The following SMYD3 variants were observed in gnomAD, a reference collection of about 807,000 sequenced individuals.
The protein encoded by SMYD3 is histone-lysine N-methyltransferase SMYD3.
Under a neutral mutation model 57.7 loss-of-function variants are expected in SMYD3, and 36 were observed. That is an observed-to-expected ratio of 0.62 (90% CI 0.48 to 0.82). SMYD3 has a LOEUF of 0.82. SMYD3 is among the 40% of genes least tolerant of loss of function. The pLI is 0.00. For synonymous variants in SMYD3, 211 were observed against 195.0 expected, an observed-to-expected ratio of 1.08 and a Z score of -0.68; for missense variants, 515 against 538.8, an observed-to-expected ratio of 0.96 and a Z score of 0.44.
In SMYD3 at chr1:246,405,725, G is replaced by A. The variant is rs1045225346; in HGVS notation, c.165-50631C>T. ...AGATCGAGACCATCCTGGCTAATAC[G>A]ATGAAACCCCGTCTCTACTAAAAAT... On this transcript the variant is annotated intron_variant, in intron 1 of 11. Transcript: ENST00000490107. Among the ~76,000 whole-genome samples, 5 of 152,014 alleles carry A rather than the reference G, an allele frequency of 3.3e-5. No homozygotes were observed. In the East Asian group the frequency reaches 7.7e-4, roughly 24 times the overall value.
chr1:245,961,216 C>T (rs988914133), intron 5 of SMYD3, among the ~76,000 whole-genome samples: 2 of 152,224 alleles, frequency 1.3e-5, no homozygotes, highest in African/African-American at 4.8e-5. Flanking sequence ...CGCACATGCT[C>T]TCTCTTCTCA....
intron 1 of SMYD3, among the ~76,000 whole-genome samples, chr1:246,377,681 T>C (rs916546132): frequency 6.6e-6 from 1 of 152,196 alleles, no homozygotes; most frequent in African/African-American, 2.4e-5. Flanking sequence ...AATTCTGAAT[T>C]ATTATCATGA....
At chr1:245,954,891 A>C (rs1165627459) in intron 5 of SMYD3, among the ~76,000 whole-genome samples, 1 of 152,160 alleles carries the variant, frequency 6.6e-6, no homozygotes, top group Non-Finnish European at 1.5e-5. Context: ...TCATCAGATA[A>C]ATCTTTTTTA....
rs146339175 is a variant in SMYD3 at position 246,198,983 on chromosome 1, A to G, written c.531+128218T>C. ...ATTTTTGCTTATAATTTCAACTTCTATTTTAGATTCGGGGGTACATCCACA... is the reference window on the plus strand; with the variant it reads ...ATTTTTGCTTATAATTTCAACTTCTGTTTTAGATTCGGGGGTACATCCACA... On this transcript the variant is annotated intron_variant, in intron 5 of 11. Coordinates refer to ENST00000490107, the MANE Select transcript of SMYD3 (RefSeq NM_001167740.2). Among the ~76,000 whole-genome samples the G allele has an allele frequency of 5.9e-3, 896 of 152,274 alleles. 13 individuals carry two copies. Among genetic ancestry groups the G allele is most frequent in the African/African-American group, 0.02 (825 of 41,548 alleles).
At chr1:246,131,990 C>T (rs2061594925) in intron 5 of SMYD3, among the ~76,000 whole-genome samples, 1 of 152,108 alleles carries the variant, frequency 6.6e-6, no homozygotes. Flanking sequence ...GTTTGCAACA[C>T]ACCCAAACAG....
intron 10 of SMYD3, among the ~76,000 whole-genome samples, chr1:245,781,554 C>A (rs907818201): frequency 2.0e-5 from 3 of 152,164 alleles, no homozygotes; most frequent in Admixed American, 2.0e-4. Flanking sequence ...GCAAGTAACC[C>A]CATTTCCATC....
chr1:245,976,872 ATCGTCTCCG>A (rs2058442169), intron 5 of SMYD3, among the ~76,000 whole-genome samples: 3 of 51,212 alleles, frequency 5.9e-5, no homozygotes, highest in Non-Finnish European at 9.9e-5. Context: ...AGGGAAAGCC[ATCGTCTCCG>A]GCCCAGGGAA....
intron 5 of SMYD3, chr1:246,321,527 T>C (rs552003257): frequency 1.8e-4 from 28 of 152,290 alleles, no homozygotes; most frequent in African/African-American, 6.7e-4. Context: ...TTTTTGTTTG[T>C]TTTGAGTTGG....
intron 8 of SMYD3, among the ~76,000 whole-genome samples, chr1:245,906,527 T>C (rs1170038949): frequency 6.6e-6 from 1 of 152,176 alleles, no homozygotes; most frequent in Non-Finnish European, 1.5e-5. Context: ...AAGGGAACCC[T>C]TGTACACTGT....
At chr1:246,466,842 T>A (rs57153125) in intron 1 of SMYD3, among the ~76,000 whole-genome samples, 1 of 149,766 alleles carries the variant, frequency 6.7e-6, no homozygotes, top group African/African-American at 2.4e-5. Context: ...AGTGAGGCCC[T>A]GTCTCAAAAA....
intron 1 of SMYD3, among the ~76,000 whole-genome samples, chr1:246,502,939 G>A (rs1015415517): frequency 2.0e-5 from 3 of 152,040 alleles, no homozygotes; most frequent in African/African-American, 7.3e-5. Flanking sequence ...GAATCCCCTG[G>A]TACCACAAAC....
intron 9 of SMYD3, among the ~76,000 whole-genome samples, chr1:245,860,431 G>A (rs771792069): frequency 1.3e-5 from 2 of 152,170 alleles, no homozygotes; most frequent in African/African-American, 2.4e-5. Flanking sequence ...TCCTGAGAGT[G>A]GAGACAAATA....
intron 5 of SMYD3, among the ~76,000 whole-genome samples, chr1:246,228,062 C>T (rs143591020): frequency 0.024 from 3,689 of 150,574 alleles, 149 homozygotes; most frequent in African/African-American, 0.085. Flanking sequence ...CTCCGCCTCC[C>T]GGGTTCAGGC....
chr1:246,458,533 G>A (rs953859450), intron 1 of SMYD3, among the ~76,000 whole-genome samples: 1 of 126,672 alleles, frequency 7.9e-6, no homozygotes, highest in African/African-American at 2.9e-5. Context: ...TGCAACCTCC[G>A]CCTCCCAGGT....
intron 5 of SMYD3, among the ~76,000 whole-genome samples, chr1:246,197,646 C>T (rs867442003): frequency 6.6e-6 from 1 of 152,026 alleles, no homozygotes; most frequent in African/African-American, 2.4e-5. Context: ...CCAAAAATAA[C>T]GTGGTATCCT....
chr1:246,407,952 T>A (rs946389205), intron 1 of SMYD3, among the ~76,000 whole-genome samples: 2 of 151,812 alleles, frequency 1.3e-5, no homozygotes, highest in African/African-American at 4.8e-5. Context: ...AGCTCACTGC[T>A]CATTCAGTGT....
chr1:245,972,924 G>A (rs1379807697), intron 5 of SMYD3, among the ~76,000 whole-genome samples: 2 of 152,144 alleles, frequency 1.3e-5, no homozygotes, highest in Non-Finnish European at 2.9e-5. Context: ...CCTTTGTTAC[G>A]AGAACCTGGC....
At chr1:245,987,169 C>T (rs74675827) in intron 5 of SMYD3, among the ~76,000 whole-genome samples, 1,840 of 152,300 alleles carry the variant, frequency 0.012, 36 homozygotes, top group African/African-American at 0.042. Flanking sequence ...AGTTGCAGAA[C>T]GTCCAAAAAT....
At chr1:245,956,918 A>G (rs538752714) in intron 5 of SMYD3, among the ~76,000 whole-genome samples, 1 of 152,360 alleles carries the variant, frequency 6.6e-6, no homozygotes, top group East Asian at 1.9e-4. Flanking sequence ...GGCATATTGG[A>G]TGCCAGCTCT....
Sources: allele counts gnomAD v4.1 joint callset (sites outside exome capture counted in the v4.1 genomes callset), GRCh38; gene constraint gnomAD v4.1.1; transcripts MANE v1.5; gene names NCBI Gene and HGNC (gene_info 2026-07-23, HGNC 2026-07-21).